Variants in DSTYK observed in about 807,000 individuals in gnomAD.
DSTYK encodes the protein RIP-homologous kinase.
In DSTYK, 34 loss-of-function variants were observed where a neutral mutation model predicts 98.7. That is an observed-to-expected ratio of 0.34 (90% CI 0.26 to 0.46). The LOEUF is 0.46. DSTYK is among the 20% of genes least tolerant of loss of function. DSTYK has a pLI of 1.00. For synonymous variants in DSTYK, 462 were observed against 457.3 expected, an observed-to-expected ratio of 1.01 and a Z score of -0.13; for missense variants, 962 against 1,181.7, an observed-to-expected ratio of 0.81 and a Z score of 2.73.
intron 1 of DSTYK, among the ~76,000 whole-genome samples, chr1:205,197,405 T>C (rs1658899173): frequency 6.6e-6 from 1 of 152,120 alleles, no homozygotes; most frequent in South Asian, 2.1e-4. Flanking sequence ...ATGGAACAAA[T>C]CCATGAAAAT....
intron 1 of DSTYK, among the ~76,000 whole-genome samples, chr1:205,206,187 T>C (rs959097159): frequency 6.6e-6 from 1 of 152,232 alleles, no homozygotes; most frequent in Admixed American, 6.5e-5. Flanking sequence ...ACGCAGCACA[T>C]TGCTCAGTAC....
chr1:205,207,080 C>T (rs1273111449), intron 1 of DSTYK, among the ~76,000 whole-genome samples: 1 of 140,656 alleles, frequency 7.1e-6, no homozygotes, highest in Non-Finnish European at 1.5e-5. Flanking sequence ...ACTCCAGTAT[C>T]TTTTTTTTTT....
At chr1:205,191,460 C>G (rs369866918) in intron 1 of DSTYK, among the ~76,000 whole-genome samples, 1 of 152,136 alleles carries the variant, frequency 6.6e-6, no homozygotes, top group African/African-American at 2.4e-5. Flanking sequence ...GCAATCCACT[C>G]GATCTTTCTG....
intron 2 of DSTYK, among the ~76,000 whole-genome samples, chr1:205,186,042 G>GA (rs1256998228): frequency 2.0e-5 from 3 of 151,720 alleles, no homozygotes; most frequent in African/African-American, 7.2e-5. Context: ...AAAAAGAAAA[G>GA]AAAAAAAATA....
chr1:205,209,440 T>G (rs1659300084), intron 1 of DSTYK, among the ~76,000 whole-genome samples: 1 of 152,120 alleles, frequency 6.6e-6, no homozygotes, highest in Non-Finnish European at 1.5e-5. Flanking sequence ...ACAAGTCCAT[T>G]CCAGGACAGT....
intron 1 of DSTYK, chr1:205,202,489 A>C (rs1659071719): frequency 1.2e-6 from 1 of 836,886 alleles, no homozygotes; most frequent in African/African-American, 1.7e-5. Context: ...TGCAGAGAGT[A>C]ATGCTGAACT....
At chr1:205,148,835 T>C (rs917435907) in intron 11 of DSTYK, among the ~76,000 whole-genome samples, 14 of 150,984 alleles carry the variant, frequency 9.3e-5, no homozygotes, top group African/African-American at 3.4e-4. Flanking sequence ...TGGACTGTAA[T>C]AGAAACAATA....
At chr1:205,160,077 G>C (rs1288229219) in intron 8 of DSTYK, 37 bp downstream of exon 8, 1 of 1,610,706 alleles carries the variant, frequency 6.2e-7, no homozygotes, top group East Asian at 2.2e-5. Context: ...TTCTTCTCTG[G>C]ATCTTTCTCA....
rs559102121 is a variant in DSTYK at position 205,198,200 on chromosome 1, AAAAG to A, written c.266-10398_266-10395del. ...AAGAGTGAAACTCCGTCTCAAAAAA[AAAAG>A]AAAGAAAGAAAGAAAGAAACCAACA... On this transcript the variant is annotated intron_variant, in intron 1 of 12. Coordinates refer to ENST00000367162, the MANE Select transcript of DSTYK (RefSeq NM_015375.3). 3.2e-3 allele frequency among the ~76,000 whole-genome samples: 471 copies of A among 149,218 alleles called. 1 individual carries two copies. The highest frequency in any genetic ancestry group is 4.7e-3 in the Non-Finnish European group (322 of 67,802).
chr1:205,191,877 A>T (rs1658723073), intron 1 of DSTYK, among the ~76,000 whole-genome samples: 1 of 152,234 alleles, frequency 6.6e-6, no homozygotes, highest in Non-Finnish European at 1.5e-5. Flanking sequence ...TTAATACAAC[A>T]GCATCTGCAT....
intron 10 of DSTYK, among the ~76,000 whole-genome samples, chr1:205,151,576 C>T (rs1657406119): frequency 6.6e-6 from 1 of 151,946 alleles, no homozygotes; most frequent in Admixed American, 6.6e-5. Flanking sequence ...TAGGCTCTTC[C>T]CACCTCGGCT....
At chr1:205,159,374 C>A (rs1208807029) in intron 9 of DSTYK, among the ~76,000 whole-genome samples, 173 bp downstream of exon 9, 1 of 152,202 alleles carries the variant, frequency 6.6e-6, no homozygotes, top group East Asian at 1.9e-4. Context: ...CAGGGGTGAG[C>A]CACCATGCCC....
chr1:205,155,615 G>A (rs988047195), intron 10 of DSTYK, among the ~76,000 whole-genome samples: 5 of 150,834 alleles, frequency 3.3e-5, no homozygotes, highest in East Asian at 2.0e-4. Flanking sequence ...TTGAGATTGC[G>A]CCACTGCACT....
At chr1:205,154,526 C>T (rs1360033022) in intron 10 of DSTYK, among the ~76,000 whole-genome samples, 1 of 152,168 alleles carries the variant, frequency 6.6e-6, no homozygotes, top group Non-Finnish European at 1.5e-5. Context: ...CCTTGCGGAA[C>T]TGTGAGTCAA....
In DSTYK at chr1:205,205,454, A is replaced by AT. The variant is rs957149635; in HGVS notation, c.265+5816dup. On this transcript the variant is annotated intron_variant, in intron 1 of 12. Transcript: ENST00000367162. Reference sequence around the variant, plus strand: ...CTATTTATTTTATTTTATTATTATTATTTTTTTTTGAGACACAGTCTCACT... The same window carrying AT: ...CTATTTATTTTATTTTATTATTATTATTTTTTTTTTGAGACACAGTCTCACT... 5.5e-4 allele frequency among the ~76,000 whole-genome samples: 83 copies of AT among 150,712 alleles called. 1 individual carries two copies. The highest frequency in any genetic ancestry group is 2.2e-3 in the Admixed American group (33 of 15,060).
chr1:205,198,411 G>A (rs990064587), intron 1 of DSTYK, among the ~76,000 whole-genome samples: 2 of 152,194 alleles, frequency 1.3e-5, no homozygotes, highest in Non-Finnish European at 2.9e-5. Flanking sequence ...GAGCATGTCA[G>A]TTGTTCAATC....
chr1:205,191,694 T>C (rs928362446), intron 1 of DSTYK, among the ~76,000 whole-genome samples: 1 of 152,124 alleles, frequency 6.6e-6, no homozygotes, highest in African/African-American at 2.4e-5. Flanking sequence ...AAAAGTAGAC[T>C]GAACTAGCCA....
rs770221747 is a variant in DSTYK, at chr1:205,187,588, G to A, written c.484C>T (p.Arg162Trp). Residue 162 changes from arginine to tryptophan, a missense_variant, in exon 2 of 13, where the codon CGG becomes TGG. Transcript: ENST00000367162. ...RLRFTYGTQT[R>W]VSLALPGQYE... The stretch of plus-strand genomic sequence containing the variant: ...TGTCCAGGGAGCGCCAGGCTGACCC[G>A]AGTCTGAGTCCCATAGGTGAAGCGG... 20 of 1,614,018 alleles carry A rather than the reference G, an allele frequency of 1.2e-5. No individual in the cohort carries two copies. The highest frequency in any genetic ancestry group is 5.3e-5 in the African/African-American group (4 of 74,906).
intron 1 of DSTYK, among the ~76,000 whole-genome samples, chr1:205,204,671 T>C (rs1488884939): frequency 6.6e-6 from 1 of 152,154 alleles, no homozygotes; most frequent in Admixed American, 6.5e-5. Flanking sequence ...GTTGTACAAG[T>C]ATCATCACTA....
Sources: allele counts gnomAD v4.1 joint callset (sites outside exome capture counted in the v4.1 genomes callset), GRCh38; gene constraint gnomAD v4.1.1; transcripts MANE v1.5; gene names NCBI Gene and HGNC (gene_info 2026-07-23, HGNC 2026-07-21).